Variants in GMDS observed in about 807,000 individuals in gnomAD.
The protein encoded by GMDS is GDP-mannose 4,6 dehydratase.
GMDS carries 20 observed loss-of-function variants against 49.9 expected under a neutral mutation model. The ratio of observed to expected loss-of-function variants is 0.40; its 90% CI spans 0.28 to 0.58. The LOEUF is 0.58. Among genes scored for constraint, GMDS ranks in the 20% least tolerant of loss-of-function variants. The pLI is 0.42. For synonymous variants in GMDS, 177 were observed against 178.6 expected, an observed-to-expected ratio of 0.99 and a Z score of 0.07; for missense variants, 362 against 481.4, an observed-to-expected ratio of 0.75 and a Z score of 2.32.
intron 9 of GMDS, among the ~76,000 whole-genome samples, chr6:1,719,200 A>G (rs1401227621): frequency 2.0e-5 from 3 of 152,182 alleles, no homozygotes; most frequent in African/African-American, 7.2e-5. Context: ...TGGTGGACCT[A>G]TCACCTTGGC....
chr6:1,694,229 G>GA (rs969217150), intron 9 of GMDS, among the ~76,000 whole-genome samples: 1 of 152,174 alleles, frequency 6.6e-6, no homozygotes, highest in Non-Finnish European at 1.5e-5. Context: ...CCGTAAGAAG[G>GA]AAAAAAATCT....
intron 7 of GMDS, among the ~76,000 whole-genome samples, chr6:1,918,150 GA>G (rs1265851201): frequency 6.6e-6 from 1 of 152,134 alleles, no homozygotes; most frequent in African/African-American, 2.4e-5. Flanking sequence ...ATAGAGAGGG[GA>G]GAAGAGAAGG....
intron 4 of GMDS, among the ~76,000 whole-genome samples, chr6:2,065,530 T>C (rs1380312135): frequency 3.3e-5 from 5 of 152,104 alleles, no homozygotes; most frequent in Middle Eastern, 3.2e-3. Context: ...GAAAAAAATT[T>C]AGAAGAATGT....
chr6:1,848,644 T>A (rs1267935027), intron 7 of GMDS, among the ~76,000 whole-genome samples: 1 of 152,258 alleles, frequency 6.6e-6, no homozygotes, highest in Non-Finnish European at 1.5e-5. Flanking sequence ...TTGGTTGCTC[T>A]GTGCTTGAAA....
intron 7 of GMDS, among the ~76,000 whole-genome samples, chr6:1,800,384 A>T (rs1769900799): frequency 1.3e-5 from 2 of 152,244 alleles, no homozygotes; most frequent in South Asian, 4.2e-4. Flanking sequence ...GGAGGGTTAG[A>T]CATCTATAAA....
At chr6:2,063,618 G>T (rs926177649) in intron 4 of GMDS, among the ~76,000 whole-genome samples, 11 of 152,298 alleles carry the variant, frequency 7.2e-5, no homozygotes, top group African/African-American at 2.2e-4. Context: ...ACCTTTATGA[G>T]GCTAGCTCTC....
At chr6:1,937,192 A>G (rs1235768226) in intron 6 of GMDS, among the ~76,000 whole-genome samples, 1 of 152,154 alleles carries the variant, frequency 6.6e-6, no homozygotes, top group East Asian at 1.9e-4. Context: ...CTACGTCTAC[A>G]ACCGTCACAC....
chr6:1,961,087 C>G (rs1468213545), intron 4 of GMDS, 121 bp from the exon 5 acceptor site: 2 of 518,586 alleles, frequency 3.9e-6, no homozygotes, highest in Non-Finnish European at 6.7e-6. Context: ...ATATTATTTT[C>G]TAACAGCACA....
intron 1 of GMDS, among the ~76,000 whole-genome samples, chr6:2,240,076 C>CG (rs1781543123): frequency 6.6e-6 from 1 of 152,202 alleles, no homozygotes; most frequent in African/African-American, 2.4e-5. Context: ...TGCCTACAAT[C>CG]CTCTTATATG....
At chr6:1,865,700 A>T (rs569050215) in intron 7 of GMDS, among the ~76,000 whole-genome samples, 1 of 152,222 alleles carries the variant, frequency 6.6e-6, no homozygotes, top group Non-Finnish European at 1.5e-5. Context: ...TTGGAGGCCA[A>T]TGGCTTTGAA....
intron 6 of GMDS, among the ~76,000 whole-genome samples, chr6:1,956,465 A>G (rs766131665): frequency 1.4e-4 from 21 of 152,218 alleles, no homozygotes; most frequent in Non-Finnish European, 2.9e-4. Flanking sequence ...AATGTTATTC[A>G]TGCAGTGAGA....
At chr6:1,911,135 G>A (rs1761032498) in intron 7 of GMDS, among the ~76,000 whole-genome samples, 1 of 152,096 alleles carries the variant, frequency 6.6e-6, no homozygotes, top group African/African-American at 2.4e-5. Flanking sequence ...AATAGACAGG[G>A]CCCTCCAAGA....
Position 1,625,840 on chromosome 6 carries a change from C to T in GMDS, c.988-1300G>A, listed in dbSNP as rs541201087. Among the ~76,000 whole-genome samples the T allele has an allele frequency of 5.9e-5, 9 of 152,284 alleles. No individual in the cohort carries two copies. The East Asian group carries it at 1.5e-3, about 26-fold the overall frequency. On this transcript the variant is annotated intron_variant, in intron 9 of 10. Transcript: ENST00000380815. ...TCAAATAACACATCAGATGTGATTC[C>T]TCGAAATAAACCGAACGCAAAGGCC...
intron 7 of GMDS, among the ~76,000 whole-genome samples, chr6:1,783,889 G>A (rs1769209153): frequency 6.6e-6 from 1 of 152,048 alleles, no homozygotes; most frequent in Non-Finnish European, 1.5e-5. Context: ...GTTACTCTGG[G>A]TGACTATGAA....
intron 8 of GMDS, among the ~76,000 whole-genome samples, chr6:1,738,036 C>CCAT (rs1767103417): frequency 5.5e-5 from 8 of 146,126 alleles, no homozygotes; most frequent in Admixed American, 5.4e-4. Flanking sequence ...ACACACCACA[C>CCAT]ACACACACCA....
intron 9 of GMDS, chr6:1,624,748 C>G (rs1762794862): frequency 3.7e-6 from 2 of 540,448 alleles, no homozygotes; most frequent in African/African-American, 2.0e-5. Flanking sequence ...CTGTGCGGAC[C>G]CGTGAGGACC....
intron 9 of GMDS, among the ~76,000 whole-genome samples, chr6:1,629,062 C>T (rs990937744): frequency 1.2e-4 from 18 of 152,176 alleles, no homozygotes; most frequent in African/African-American, 4.3e-4. Context: ...AAAAAGCTCT[C>T]AAGTCTCACA....
intron 1 of GMDS, among the ~76,000 whole-genome samples, chr6:2,146,443 G>C (rs879329039): frequency 5.3e-5 from 8 of 152,114 alleles, no homozygotes; most frequent in Admixed American, 5.2e-4. Context: ...GGGCTGGTTT[G>C]GTGGGAAAAG....
At chr6:1,736,587 T>C (rs1352771860) in intron 8 of GMDS, among the ~76,000 whole-genome samples, 2 of 152,150 alleles carry the variant, frequency 1.3e-5, no homozygotes, top group Non-Finnish European at 2.9e-5. Context: ...TTTCCATCAC[T>C]CAGTGTCACA....
Sources: allele counts gnomAD v4.1 joint callset (sites outside exome capture counted in the v4.1 genomes callset), GRCh38; gene constraint gnomAD v4.1.1; transcripts MANE v1.5; gene names NCBI Gene and HGNC (gene_info 2026-07-23, HGNC 2026-07-21).